The following DSCAML1 variants were observed in gnomAD, a reference collection of about 807,000 sequenced individuals.
The protein encoded by DSCAML1 is cell adhesion molecule DSCAML1.
A neutral mutation model predicts 200.5 loss-of-function variants in DSCAML1; 38 were observed. The observed-to-expected ratio is 0.19, with a 90% confidence interval of 0.15 to 0.25. The LOEUF is 0.25. Among genes scored for constraint, DSCAML1 ranks in the 10% least tolerant of loss-of-function variants. DSCAML1 has a pLI of 1.00. For missense variants in DSCAML1, 2,223 were observed against 2,858.8 expected, an observed-to-expected ratio of 0.78 and a Z score of 5.07; for synonymous variants, 1,215 against 1,165.0, an observed-to-expected ratio of 1.04 and a Z score of -0.87.
intron 3 of DSCAML1, among the ~76,000 whole-genome samples, chr11:117,750,890 GT>G (rs1267023730): frequency 6.6e-6 from 1 of 152,156 alleles, no homozygotes; most frequent in East Asian, 1.9e-4. Flanking sequence ...ATGGCAGTAG[GT>G]TTCCATGGGC....
chr11:117,557,219 AGT>A (rs1438140828), intron 3 of DSCAML1, among the ~76,000 whole-genome samples: 2 of 152,174 alleles, frequency 1.3e-5, no homozygotes, highest in African/African-American at 4.8e-5. Flanking sequence ...GTGCAGAGGC[AGT>A]GTGGCAGGGG....
At position 117,653,589 on chromosome 11, in the gene DSCAML1, C is replaced by T. The variant is rs941630154; in HGVS notation, c.512-121067G>A. On this transcript the variant is annotated intron_variant, in intron 3 of 32. Transcript: ENST00000651296. ...GAGAGGACATCGAGAATCTGGACCC[C>T]TCACACCCTGCTGGTGGGAGTGTAA... Among the ~76,000 whole-genome samples the T allele has an allele frequency of 3.9e-5, 6 of 152,154 alleles. No individual in the cohort carries two copies. The East Asian group carries it at 1.2e-3, about 29-fold the overall frequency.
At chr11:117,600,417 A>C (rs1173802638) in intron 3 of DSCAML1, among the ~76,000 whole-genome samples, 1 of 152,156 alleles carries the variant, frequency 6.6e-6, no homozygotes, top group East Asian at 1.9e-4. Flanking sequence ...ACTCTGGATC[A>C]TGTCGGGGAG....
chr11:117,652,410 T>C (rs971862517), intron 3 of DSCAML1, among the ~76,000 whole-genome samples: 3 of 152,112 alleles, frequency 2.0e-5, no homozygotes, highest in East Asian at 1.9e-4. Context: ...GTAGCCCCTG[T>C]CCCACCACGC....
intron 3 of DSCAML1, among the ~76,000 whole-genome samples, chr11:117,555,074 GAGCTGCTTCCTTTTTTTGGCCAGAC>G (rs911675483): frequency 6.6e-6 from 1 of 152,148 alleles, no homozygotes; most frequent in African/African-American, 2.4e-5. Flanking sequence ...TCTTCCTTCT[GAGCTGCTTCCTTTTTTTGGCCAGAC>G]AGCTTCTTCC....
chr11:117,706,196 A>C (rs1398375159), intron 3 of DSCAML1, among the ~76,000 whole-genome samples: 1 of 152,162 alleles, frequency 6.6e-6, no homozygotes, highest in Non-Finnish European at 1.5e-5. Context: ...TCTCCTCTCC[A>C]GTAGGTGCCT....
At chr11:117,755,883 C>T (rs760544733) in intron 3 of DSCAML1, among the ~76,000 whole-genome samples, 92 of 152,206 alleles carry the variant, frequency 6.0e-4, no homozygotes, top group Non-Finnish European at 8.2e-4. Context: ...CTACAGCCAC[C>T]GGCTCCTCTG....
intron 11 of DSCAML1, among the ~76,000 whole-genome samples, chr11:117,488,546 C>T (rs374133064): frequency 8.1e-4 from 123 of 152,142 alleles, no homozygotes; most frequent in Admixed American, 3.9e-3. Context: ...CACAGACACA[C>T]ACACACACAC....
intron 3 of DSCAML1, among the ~76,000 whole-genome samples, chr11:117,669,555 G>A (rs369173136): frequency 6.6e-6 from 1 of 152,192 alleles, no homozygotes; most frequent in Non-Finnish European, 1.5e-5. Flanking sequence ...AGACAGACAT[G>A]GCCCTAGTGC....
Position 117,769,520 on chromosome 11 carries a change from TA to T in DSCAML1, c.511+7270del, listed in dbSNP as rs1565274280. On this transcript the variant is annotated intron_variant, in intron 3 of 32. Coordinates refer to ENST00000651296, the MANE Select transcript of DSCAML1 (RefSeq NM_020693.4). ...TATATAATATATATTTTATATATAT[TA>T]TATATATTTTATATATATTATATAT... Among the ~76,000 whole-genome samples, 8 of 58,562 alleles carry T rather than the reference TA, an allele frequency of 1.4e-4. 1 individual carries two copies. Among genetic ancestry groups the T allele is most frequent in the East Asian group, 1.3e-3 (4 of 3,098 alleles). 38.4% of individuals were successfully genotyped at this position (58,562 alleles called of 152,430 possible).
intron 3 of DSCAML1, among the ~76,000 whole-genome samples, chr11:117,708,905 C>T (rs989780408): frequency 1.3e-5 from 2 of 152,190 alleles, no homozygotes; most frequent in East Asian, 3.9e-4. Context: ...ATCTCAAGTT[C>T]ATTTAAGGCT....
chr11:117,508,340 C>G (rs541142222), intron 8 of DSCAML1, among the ~76,000 whole-genome samples: 23 of 152,128 alleles, frequency 1.5e-4, no homozygotes, highest in Non-Finnish European at 2.6e-4. Flanking sequence ...TGCATTACCC[C>G]CTCCCTGGGG....
intron 3 of DSCAML1, among the ~76,000 whole-genome samples, chr11:117,577,011 A>G (rs1375336066): frequency 6.6e-6 from 1 of 152,190 alleles, no homozygotes; most frequent in Non-Finnish European, 1.5e-5. Context: ...TTCTTCTTCT[A>G]TATGGCAAAT....
At chr11:117,470,297 CG>C (rs2048658097) in intron 15 of DSCAML1, among the ~76,000 whole-genome samples, 3 of 152,148 alleles carry the variant, frequency 2.0e-5, no homozygotes, top group Non-Finnish European at 2.9e-5. Flanking sequence ...ATGTCTAGGC[CG>C]GGCGCGGTGG....
chr11:117,622,858 A>G (rs1483534101), intron 3 of DSCAML1, among the ~76,000 whole-genome samples: 1 of 152,196 alleles, frequency 6.6e-6, no homozygotes, highest in Non-Finnish European at 1.5e-5. Context: ...AACAGATTCA[A>G]TAAGTAATAC....
At chr11:117,613,886 T>TCCC (rs1480359273) in intron 3 of DSCAML1, among the ~76,000 whole-genome samples, 1 of 150,762 alleles carries the variant, frequency 6.6e-6, no homozygotes, top group Admixed American at 6.6e-5. Context: ...CAGCCACCCC[T>TCCC]CCCCTTGCCT....
At chr11:117,632,140 C>G (rs1480817250) in intron 3 of DSCAML1, among the ~76,000 whole-genome samples, 1 of 152,230 alleles carries the variant, frequency 6.6e-6, no homozygotes, top group Non-Finnish European at 1.5e-5. Context: ...TCACTGGCCC[C>G]AGGTCATCAC....
At chr11:117,603,299 A>G (rs1423096520) in intron 3 of DSCAML1, among the ~76,000 whole-genome samples, 1 of 152,158 alleles carries the variant, frequency 6.6e-6, no homozygotes, top group Non-Finnish European at 1.5e-5. Flanking sequence ...TTGCCCATCT[A>G]TGGCCTTGCT....
intron 3 of DSCAML1, among the ~76,000 whole-genome samples, chr11:117,592,635 G>A (rs560245966): frequency 2.0e-5 from 3 of 152,272 alleles, no homozygotes; most frequent in South Asian, 2.1e-4. Flanking sequence ...CACACCCTTC[G>A]TTACATGCTG....
Sources: gnomAD v4.1 joint callset for allele counts (sites outside exome capture counted in the v4.1 genomes callset) on GRCh38, gnomAD v4.1.1 for gene constraint, MANE v1.5 for transcripts, NCBI Gene and HGNC (gene_info 2026-07-23, HGNC 2026-07-21) for gene names.